BIRC6: variants seen among roughly 807,000 people sequenced by gnomAD.
The protein encoded by BIRC6 is dual E2 ubiquitin-conjugating enzyme/E3 ubiquitin-protein ligase BIRC6.
Under a neutral mutation model 503.3 loss-of-function variants are expected in BIRC6, and 98 were observed. The ratio of observed to expected loss-of-function variants is 0.19; its 90% CI spans 0.17 to 0.23. BIRC6 has a LOEUF of 0.23. Among genes scored for constraint, BIRC6 ranks in the 10% least tolerant of loss-of-function variants. The pLI is 1.00. For synonymous variants in BIRC6, 2,240 were observed against 2,078.7 expected (o/e 1.08, Z -2.11); for missense variants, 5,360 against 5,806.0 (o/e 0.92, Z 2.50).
At chr2:32,460,643 T>C (rs182068826) in intron 23 of BIRC6, among the ~76,000 whole-genome samples, 2 of 152,088 alleles carry the variant, frequency 1.3e-5, no homozygotes, top group Admixed American at 1.3e-4. Flanking sequence ...GAAAAAGATA[T>C]TGAAAACTCG....
intron 65 of BIRC6, among the ~76,000 whole-genome samples, chr2:32,550,214 T>C (rs1001528473): frequency 1.3e-5 from 2 of 152,226 alleles, no homozygotes; most frequent in Non-Finnish European, 2.9e-5. Flanking sequence ...TTTACATGTA[T>C]ATTTCATTAA....
chr2:32,360,962 C>T (rs544360651), intron 1 of BIRC6, among the ~76,000 whole-genome samples: 1 of 152,040 alleles, frequency 6.6e-6, no homozygotes, highest in East Asian at 1.9e-4. Context: ...ACTCTGTGGC[C>T]CAGGCTGGAG....
At chr2:32,570,003 G>GTC (rs1439035699) in intron 65 of BIRC6, among the ~76,000 whole-genome samples, 1 of 151,976 alleles carries the variant, frequency 6.6e-6, no homozygotes, top group Non-Finnish European at 1.5e-5. Context: ...ACTTGTTCCA[G>GTC]TTCTTAGAGG....
intron 66 of BIRC6, among the ~76,000 whole-genome samples, chr2:32,592,556 A>G (rs777298451): frequency 2.0e-5 from 3 of 149,610 alleles, no homozygotes; most frequent in Non-Finnish European, 4.4e-5. Flanking sequence ...GGAAAGGTTC[A>G]TTTGTATGTA....
At chr2:32,613,012 C>G (rs921711064) in intron 73 of BIRC6, among the ~76,000 whole-genome samples, 1 of 152,126 alleles carries the variant, frequency 6.6e-6, no homozygotes, top group African/African-American at 2.4e-5. Flanking sequence ...GTTACCATCT[C>G]TCCAGTTCTC....
chr2:32,510,522 C>A lies in BIRC6; in HGVS notation c.10238-4C>A. On this transcript the variant is annotated splice_region_variant and splice_polypyrimidine_tract_variant and intron_variant, in intron 52 of 73. Transcript: ENST00000421745. ...AACTTTTTCTTTGGATTCTTTGTTG[C>A]AAGATTTGAATAGTCCTTTACTTTT... 1 of 1,539,480 alleles carries A rather than the reference C, an allele frequency of 6.5e-7. No homozygotes were observed. The highest frequency in any genetic ancestry group is 2.3e-5 in the East Asian group (1 of 44,338).
intron 33 of BIRC6, 126 bp downstream of exon 33, chr2:32,473,365 T>C (rs2049317939): frequency 2.7e-6 from 2 of 749,384 alleles, no homozygotes; most frequent in African/African-American, 3.6e-5. Flanking sequence ...GAAAATCATC[T>C]AACACTTTGG....
At chr2:32,610,817 G>A (rs1273629025) in intron 72 of BIRC6, among the ~76,000 whole-genome samples, 1 of 152,090 alleles carries the variant, frequency 6.6e-6, no homozygotes, top group African/African-American at 2.4e-5. Context: ...CGCCCAGGCT[G>A]GAGTGCAGTG....
At chr2:32,399,209 C>T (rs1484564404) in intron 6 of BIRC6, among the ~76,000 whole-genome samples, 1 of 152,054 alleles carries the variant, frequency 6.6e-6, no homozygotes, top group Non-Finnish European at 1.5e-5. Flanking sequence ...CCTCAGTTTC[C>T]CAAGTAGCTG....
Position 32,575,166 on chromosome 2 carries a change from G to C in BIRC6, c.13155G>C (p.Met4385Ile), listed in dbSNP as rs2060181557. The change falls in exon 66 of 74, where the codon ATG becomes ATC. Residue 4385 changes from methionine to isoleucine, a missense_variant. By Grantham distance (10) the Met-to-Ile change is conservative. This residue lies in a region of BIRC6 where 477 missense variants were observed against 574.4 expected (regional missense o/e 0.83). Transcript: ENST00000421745. ...TTCTTCTCCTTATAGTTCTGGACAT[G>C]GCAAGACATGTGCCACTCTATCGGG... ...SYLRNDSVLD[M>I]ARHVPLYRAL... 6.2e-7 allele frequency: 1 copy of C among 1,613,806 alleles called. No homozygotes were observed. Among genetic ancestry groups the C allele is most frequent in the South Asian group, 1.1e-5 (1 of 91,068 alleles).
chr2:32,422,444 A>G (rs2043042346), intron 10 of BIRC6, among the ~76,000 whole-genome samples: 1 of 152,066 alleles, frequency 6.6e-6, no homozygotes, highest in South Asian at 2.1e-4. Flanking sequence ...TTTACATAAC[A>G]TTAGTGAAGA....
In BIRC6 at chr2:32,501,879, G is replaced by A. The variant is rs1261184817; in HGVS notation, c.9198G>A (p.Met3066Ile). ...PILTYMACGY[M>I]GRQGSLATCQ... Reference sequence around the variant, plus strand: ...TAACATACATGGCCTGTGGATATATGGGCAGACAAGTAAGTTCAAGCCAAC... The same window carrying A: ...TAACATACATGGCCTGTGGATATATAGGCAGACAAGTAAGTTCAAGCCAAC... Residue 3066 changes from methionine to isoleucine, a missense_variant, in exon 47 of 74, where the codon ATG (methionine) becomes ATA (isoleucine). By Grantham distance (10) the Met-to-Ile change is conservative. This residue lies in a region of BIRC6 where 267 missense variants were observed against 287.6 expected (regional missense o/e 0.93). Transcript: ENST00000421745. The A allele has an allele frequency of 1.3e-5, 21 of 1,601,626 alleles. No homozygotes were observed. Among genetic ancestry groups the A allele is most frequent in the Non-Finnish European group, 1.6e-5 (19 of 1,176,602 alleles).
intron 67 of BIRC6, 84 bp downstream of exon 67, chr2:32,594,144 G>A (rs2061541261): frequency 7.0e-7 from 1 of 1,435,280 alleles, no homozygotes; most frequent in African/African-American, 1.4e-5. Flanking sequence ...TTGTGTTTTT[G>A]CTTTATGTTA....
chr2:32,542,564 C>A (rs1343558317), intron 61 of BIRC6, among the ~76,000 whole-genome samples: 1 of 152,130 alleles, frequency 6.6e-6, no homozygotes, highest in East Asian at 1.9e-4. Flanking sequence ...GAAAGAATGA[C>A]AGAATTAGAA....
In BIRC6 at chr2:32,562,618, C is replaced by G. The variant is rs191748514; in HGVS notation, c.13145-12538C>G. On this transcript the variant is annotated intron_variant, in intron 65 of 73. Coordinates refer to ENST00000421745, the MANE Select transcript of BIRC6 (RefSeq NM_016252.4). ...CTGCATCCCTTCCTAATCCCCAGAC[C>G]TCTGGTAACCACTGTTCTTTGTACT... Among the ~76,000 whole-genome samples, 9 of 152,296 alleles carry G rather than the reference C, an allele frequency of 5.9e-5. No individual in the cohort carries two copies. In the East Asian group the frequency reaches 1.7e-3, roughly 29 times the overall value.
At chr2:32,411,944 T>C (rs1574026104) in intron 9 of BIRC6, among the ~76,000 whole-genome samples, 1 of 152,202 alleles carries the variant, frequency 6.6e-6, no homozygotes, top group African/African-American at 2.4e-5. Flanking sequence ...TAAGACTTTC[T>C]TTCCTTTTTT....
chr2:32,568,573 A>C (rs1573068112), intron 65 of BIRC6, among the ~76,000 whole-genome samples: 1 of 151,626 alleles, frequency 6.6e-6, no homozygotes, highest in East Asian at 1.9e-4. Flanking sequence ...GGCTGGGCGC[A>C]GTGGCTCACG....
intron 72 of BIRC6, among the ~76,000 whole-genome samples, chr2:32,611,017 A>C (rs1245022791): frequency 6.6e-6 from 1 of 151,782 alleles, no homozygotes; most frequent in Non-Finnish European, 1.5e-5. Context: ...GAGCCACCAC[A>C]CCGGGCCATA....
At chr2:32,563,590 T>TA (rs1201380693) in intron 65 of BIRC6, 3 of 152,178 alleles carry the variant, frequency 2.0e-5, no homozygotes, top group Non-Finnish European at 2.9e-5. Context: ...TATTTCAGTA[T>TA]AAAAAGGAGC....
Sources: allele counts gnomAD v4.1 joint callset (sites outside exome capture counted in the v4.1 genomes callset), GRCh38; gene constraint gnomAD v4.1.1; regional missense constraint gnomAD v4.1.1; transcripts MANE v1.5; gene names NCBI Gene and HGNC (gene_info 2026-07-23, HGNC 2026-07-21).